DAB1: variants seen among roughly 807,000 people sequenced by gnomAD.
The protein encoded by DAB1 is disabled homolog 1.
In DAB1, 15 loss-of-function variants were observed where a neutral mutation model predicts 64.6. That is an observed-to-expected ratio of 0.23 (90% CI 0.16 to 0.36). The LOEUF (loss-of-function observed/expected upper bound fraction) is 0.36, where lower values mean the gene tolerates loss of function less well. Among genes scored for constraint, DAB1 ranks in the 10% least tolerant of loss-of-function variants. The pLI is 1.00. For missense variants in DAB1, 596 were observed against 706.7 expected, an observed-to-expected ratio of 0.84 and a Z score of 1.78; for synonymous variants, 235 against 251.9, an observed-to-expected ratio of 0.93 and a Z score of 0.64.
intron 1 of DAB1, among the ~76,000 whole-genome samples, chr1:57,394,058 C>T (rs1682612182): frequency 6.6e-6 from 1 of 152,132 alleles, no homozygotes; most frequent in African/African-American, 2.4e-5. Context: ...TAGCATTATG[C>T]TGTAATTGTT....
At chr1:57,096,833 T>C (rs147981782) in intron 4 of DAB1, among the ~76,000 whole-genome samples, 557 of 152,350 alleles carry the variant, frequency 3.7e-3, no homozygotes, top group South Asian at 9.7e-3. Context: ...AATAAATATT[T>C]ATTGAATAAA....
intron 6 of DAB1, among the ~76,000 whole-genome samples, chr1:57,716,905 T>C (rs1288635610): frequency 6.6e-6 from 1 of 152,082 alleles, no homozygotes; most frequent in African/African-American, 2.4e-5. Flanking sequence ...CTAATCAGGT[T>C]TAAAATGGGG....
At chr1:57,240,748 T>C (rs1326954283) in intron 2 of DAB1, among the ~76,000 whole-genome samples, 2 of 152,316 alleles carry the variant, frequency 1.3e-5, no homozygotes, top group East Asian at 3.9e-4. Context: ...ATGAATATGA[T>C]GCTACTACGG....
chr1:57,767,051 T>G (rs1038589310), intron 6 of DAB1, among the ~76,000 whole-genome samples: 2 of 152,144 alleles, frequency 1.3e-5, no homozygotes, highest in East Asian at 1.9e-4. Flanking sequence ...CCCATCAATG[T>G]GTTCACTAAC....
intron 4 of DAB1, among the ~76,000 whole-genome samples, chr1:57,100,472 A>G (rs1654568858): frequency 6.6e-6 from 1 of 152,200 alleles, no homozygotes. Context: ...CTCAGGTTGC[A>G]AAGACACACA....
intron 5 of DAB1, among the ~76,000 whole-genome samples, chr1:58,015,207 A>G (rs981475556): frequency 2.0e-5 from 3 of 152,106 alleles, no homozygotes; most frequent in Non-Finnish European, 4.4e-5. Flanking sequence ...CTTTGGCCCT[A>G]CAGAACAACC....
At chr1:57,901,282 G>A (rs1453517521) in intron 5 of DAB1, among the ~76,000 whole-genome samples, 1 of 152,074 alleles carries the variant, frequency 6.6e-6, no homozygotes, top group Non-Finnish European at 1.5e-5. Flanking sequence ...CCTGCTGCGG[G>A]TTCCCAATTA....
chr1:57,586,947 G>A (rs1645388914), intron 7 of DAB1, among the ~76,000 whole-genome samples: 1 of 152,136 alleles, frequency 6.6e-6, no homozygotes, highest in African/African-American at 2.4e-5. Context: ...AAATTCTGGG[G>A]ACAAAATACT....
At chr1:58,359,869 C>A (rs568789544) in intron 3 of DAB1, among the ~76,000 whole-genome samples, 10 of 152,318 alleles carry the variant, frequency 6.6e-5, no homozygotes, top group African/African-American at 9.6e-5. Flanking sequence ...GTTAAACTGA[C>A]CTAAGTTCAA....
At chr1:58,502,703 C>T (rs888209930) in intron 3 of DAB1, among the ~76,000 whole-genome samples, 22 of 152,178 alleles carry the variant, frequency 1.4e-4, no homozygotes, top group Admixed American at 1.3e-4. Context: ...AGAAATTAGA[C>T]TACAATAATA....
At chr1:57,767,866 T>C (rs566758135) in intron 6 of DAB1, among the ~76,000 whole-genome samples, 1 of 152,140 alleles carries the variant, frequency 6.6e-6, no homozygotes, top group Admixed American at 6.5e-5. Context: ...TCATATATAA[T>C]AGGCATAGTG....
At chr1:58,189,708 A>T (rs902702926) in intron 4 of DAB1, among the ~76,000 whole-genome samples, 1 of 152,230 alleles carries the variant, frequency 6.6e-6, no homozygotes, top group Non-Finnish European at 1.5e-5. Flanking sequence ...GCTGAGGCAC[A>T]AGAAGTCACG....
intron 6 of DAB1, among the ~76,000 whole-genome samples, chr1:57,727,726 C>CTCCTTCCTTCTCTCCTTCCTTCCT (rs1553123018): frequency 2.4e-4 from 33 of 137,124 alleles, no homozygotes; most frequent in African/African-American, 8.6e-4. Context: ...CCTTCCTTCT[C>CTCCTTCCTTCTCTCCTTCCTTCCT]TCCTTCCTTC....
At chr1:58,412,895 T>C (rs1644684769) in intron 3 of DAB1, among the ~76,000 whole-genome samples, 1 of 152,246 alleles carries the variant, frequency 6.6e-6, no homozygotes, top group Non-Finnish European at 1.5e-5. Flanking sequence ...TAAAGTCATT[T>C]TAGGCTGGAA....
intron 4 of DAB1, among the ~76,000 whole-genome samples, chr1:58,342,554 A>C (rs528048389): frequency 3.3e-5 from 5 of 152,306 alleles, no homozygotes; most frequent in Non-Finnish European, 7.4e-5. Context: ...CCAAGCTCAT[A>C]TACTTAACTG....
chr1:58,144,891 A>G (rs1304442872), intron 5 of DAB1, among the ~76,000 whole-genome samples: 1 of 152,204 alleles, frequency 6.6e-6, no homozygotes, highest in East Asian at 1.9e-4. Flanking sequence ...TCTCCTAGGC[A>G]GACAGAACTC....
chr1:57,561,675 C>G (rs1436049261), intron 7 of DAB1, among the ~76,000 whole-genome samples: 1 of 152,178 alleles, frequency 6.6e-6, no homozygotes, highest in South Asian at 2.1e-4. Context: ...CGTCTTCACA[C>G]CAAGGGACAA....
At chr1:57,996,500 G>T (rs188704682) in intron 5 of DAB1, among the ~76,000 whole-genome samples, 5 of 152,192 alleles carry the variant, frequency 3.3e-5, no homozygotes, top group African/African-American at 1.2e-4. Flanking sequence ...TGAAATTCAC[G>T]TTCTTTATCT....
chr1:57,673,945 C>A (rs1373204413), intron 6 of DAB1, among the ~76,000 whole-genome samples: 2 of 152,056 alleles, frequency 1.3e-5, no homozygotes, highest in African/African-American at 4.8e-5. Flanking sequence ...AAAATAGAAA[C>A]CTGCATGGAG....
Sources: gnomAD v4.1 joint callset for allele counts (sites outside exome capture counted in the v4.1 genomes callset) on GRCh38, gnomAD v4.1.1 for gene constraint, MANE v1.5 for transcripts, NCBI Gene and HGNC (gene_info 2026-07-23, HGNC 2026-07-21) for gene names.